Variants in BCAS1 observed in about 807,000 individuals in gnomAD.
BCAS1 encodes the protein brain enriched myelin associated protein 1, also known as breast carcinoma-amplified sequence 1.
In BCAS1, 46 loss-of-function variants were observed where a neutral mutation model predicts 65.4. The observed-to-expected ratio is 0.70, with a 90% CI of 0.55 to 0.90. BCAS1 has a LOEUF of 0.90. BCAS1 is among the 40% of genes least tolerant of loss of function. The pLI, the probability that BCAS1 is intolerant of heterozygous loss-of-function variation, is 0.00. For synonymous variants in BCAS1, 298 were observed against 293.5 expected (o/e 1.02, Z -0.16); for missense variants, 793 against 771.2 (o/e 1.03, Z -0.33).
intron 11 of BCAS1, among the ~76,000 whole-genome samples, chr20:53,954,603 C>G (rs2089645478): frequency 6.6e-6 from 1 of 152,190 alleles, no homozygotes; most frequent in Non-Finnish European, 1.5e-5. Context: ...GAAAGGTTTA[C>G]AATCCCACAT....
intron 3 of BCAS1, among the ~76,000 whole-genome samples, chr20:54,036,019 C>T (rs937694033): frequency 6.6e-6 from 1 of 151,146 alleles, no homozygotes; most frequent in African/African-American, 2.4e-5. Flanking sequence ...CACATGGCCA[C>T]ACAGGGGGAA....
chr20:54,032,833 T>C (rs1387896633), intron 3 of BCAS1, among the ~76,000 whole-genome samples: 1 of 151,294 alleles, frequency 6.6e-6, no homozygotes, highest in East Asian at 1.9e-4. Context: ...AGCAAGTTTA[T>C]GGAGACCTTC....
chr20:53,975,021 A>G (rs927027053), intron 9 of BCAS1, among the ~76,000 whole-genome samples: 3 of 152,224 alleles, frequency 2.0e-5, no homozygotes, highest in Admixed American at 1.3e-4. Context: ...AAGCTGGATC[A>G]CCATGGAAAT....
intron 4 of BCAS1, 25 bp from the exon 5 acceptor site, chr20:53,996,075 T>C (rs1481148539): frequency 6.4e-7 from 1 of 1,553,212 alleles, no homozygotes; most frequent in Non-Finnish European, 8.7e-7. Context: ...GTTGTCACAG[T>C]TGCCACTTGC....
At chr20:54,069,058 G>A (rs570394695) in intron 1 of BCAS1, among the ~76,000 whole-genome samples, 3 of 152,158 alleles carry the variant, frequency 2.0e-5, no homozygotes, top group Admixed American at 6.5e-5. Context: ...TGTGATTTGG[G>A]ACATTGGTTT....
At position 54,067,258 on chromosome 20, in the gene BCAS1, C is replaced by A. The variant is rs376495828; in HGVS notation, c.-6+3175G>T. Among the ~76,000 whole-genome samples, 17 of 152,298 alleles carry A rather than the reference C, an allele frequency of 1.1e-4. No individual in the cohort carries two copies. In the South Asian group the frequency reaches 3.5e-3, roughly 32 times the overall value. On this transcript the variant is annotated intron_variant, in intron 1 of 12. Coordinates refer to ENST00000688948, the MANE Select transcript of BCAS1 (RefSeq NM_001366298.2). ...GATGTGGAGGCACAATGCCTGTAAT[C>A]CCAGCTACTTGGGAGGCTGAGGCAG...
chr20:53,982,135 G>A (rs977396738), intron 8 of BCAS1, among the ~76,000 whole-genome samples: 3 of 152,110 alleles, frequency 2.0e-5, no homozygotes, highest in African/African-American at 7.2e-5. Context: ...TTTGTCCAGG[G>A]ATACACAGCT....
Position 54,035,453 on chromosome 20 carries a change from A to T in BCAS1, c.143-6481T>A, listed in dbSNP as rs1439410087. ...TACAGGTAGTCAACAAGCATATGAA[A>T]AAAAGCTCAATATTACTAATCATCA... On this transcript the variant is annotated intron_variant, in intron 3 of 12. Coordinates refer to ENST00000688948, the MANE Select transcript of BCAS1 (RefSeq NM_001366298.2). Among the ~76,000 whole-genome samples the T allele has an allele frequency of 2.7e-5, 4 of 150,798 alleles. 1 individual carries two copies. The highest frequency in any genetic ancestry group is 5.9e-5 in the Non-Finnish European group (4 of 67,408).
chr20:53,977,113 G>A (rs563487775), intron 8 of BCAS1, among the ~76,000 whole-genome samples: 1 of 151,800 alleles, frequency 6.6e-6, no homozygotes, highest in Non-Finnish European at 1.5e-5. Flanking sequence ...GAAGGGAGAA[G>A]AGCCCCTTAT....
chr20:54,051,186 T>C (rs1218442315), intron 3 of BCAS1, among the ~76,000 whole-genome samples: 1 of 152,220 alleles, frequency 6.6e-6, no homozygotes, highest in African/African-American at 2.4e-5. Flanking sequence ...ATTAATTTTG[T>C]GTGGCCTGAC....
chr20:54,001,482 G>A (rs1037638014), intron 4 of BCAS1, among the ~76,000 whole-genome samples: 4 of 152,140 alleles, frequency 2.6e-5, no homozygotes, highest in African/African-American at 4.8e-5. Flanking sequence ...CTCCCCAGTT[G>A]TTCTTATGGA....
At chr20:53,981,821 C>CGT (rs3831644) in intron 8 of BCAS1, among the ~76,000 whole-genome samples, 2,929 of 150,168 alleles carry the variant, frequency 0.02, 95 homozygotes, top group African/African-American at 0.062. Flanking sequence ...CATGTGCGTG[C>CGT]GTGTGTGTGT....
intron 4 of BCAS1, among the ~76,000 whole-genome samples, chr20:53,996,993 CTCTG>C (rs1357498033): frequency 1.3e-5 from 2 of 152,208 alleles, no homozygotes; most frequent in Non-Finnish European, 2.9e-5. Context: ...CATTCTGCTC[CTCTG>C]TCTGCCCGTA....
rs931350186 is a variant in BCAS1, at chr20:54,057,843, G to A, written c.142+242C>T. On this transcript the variant is annotated intron_variant, in intron 3 of 12. Transcript: ENST00000688948. ...TGGAACACGTTCTCCCTGATGACCCGCAGAAGGAACCAATTCTGCTGACAA... is the reference window on the plus strand; with the variant it reads ...TGGAACACGTTCTCCCTGATGACCCACAGAAGGAACCAATTCTGCTGACAA... Among the ~76,000 whole-genome samples, 5 of 152,158 alleles carry A rather than the reference G, an allele frequency of 3.3e-5. No homozygotes were observed. The East Asian group carries it at 7.7e-4, about 23-fold the overall frequency.
intron 4 of BCAS1, among the ~76,000 whole-genome samples, chr20:54,005,899 AG>A (rs1188957255): frequency 6.6e-6 from 1 of 152,110 alleles, no homozygotes; most frequent in Non-Finnish European, 1.5e-5. Flanking sequence ...GGGAGGGTTT[AG>A]GGGGCAGGTT....
Position 53,982,044 on chromosome 20 carries a change from G to A in BCAS1, c.1275+3243C>T, listed in dbSNP as rs539695357. Among the ~76,000 whole-genome samples the A allele has an allele frequency of 1.2e-4, 19 of 152,170 alleles. No individual in the cohort carries two copies. In the East Asian group the frequency reaches 3.5e-3, roughly 28 times the overall value. The stretch of plus-strand genomic sequence containing the variant: ...TAGGTGCTTTATATGTACAATTATT[G>A]GTTTCTTATAACAACACTGTGAGAA... On this transcript the variant is annotated intron_variant, in intron 8 of 12. Transcript: ENST00000688948.
At chr20:54,008,899 T>G (rs2091262285) in intron 4 of BCAS1, among the ~76,000 whole-genome samples, 1 of 151,984 alleles carries the variant, frequency 6.6e-6, no homozygotes, top group African/African-American at 2.4e-5. Flanking sequence ...CTGCAGCCTC[T>G]GCCTACCGGG....
At chr20:54,065,509 G>A (rs558105809) in intron 1 of BCAS1, among the ~76,000 whole-genome samples, 5 of 152,260 alleles carry the variant, frequency 3.3e-5, no homozygotes, top group East Asian at 1.9e-4. Flanking sequence ...GGCTGGGGAC[G>A]CTGCTACATA....
chr20:54,046,843 C>CAAAA (rs74179264), intron 3 of BCAS1, among the ~76,000 whole-genome samples: 3,773 of 117,578 alleles, frequency 0.032, 196 homozygotes, highest in African/African-American at 0.11. Flanking sequence ...GACTCTGTCT[C>CAAAA]AAAAAAAAAA....
Sources: gnomAD v4.1 joint callset for allele counts (sites outside exome capture counted in the v4.1 genomes callset) on GRCh38, gnomAD v4.1.1 for gene constraint, MANE v1.5 for transcripts, NCBI Gene and HGNC (gene_info 2026-07-23, HGNC 2026-07-21) for gene names.